The following SUSD6 variants were observed in gnomAD, a reference collection of about 807,000 sequenced individuals.
The protein encoded by SUSD6 is sushi domain containing 6.
In SUSD6, 16 loss-of-function variants were observed where a neutral mutation model predicts 28.4. The observed-to-expected ratio is 0.56, with a 90% CI of 0.38 to 0.86. The LOEUF is 0.86. Among genes scored for constraint, SUSD6 ranks in the 40% least tolerant of loss-of-function variants. SUSD6 has a pLI of 0.00. For missense variants in SUSD6, 341 were observed against 384.2 expected, an observed-to-expected ratio of 0.89 and a Z score of 0.94; for synonymous variants, 147 against 159.6, an observed-to-expected ratio of 0.92 and a Z score of 0.59.
chr14:69,659,484 T>C (rs1410162931), intron 2 of SUSD6, among the ~76,000 whole-genome samples: 3 of 152,206 alleles, frequency 2.0e-5, no homozygotes, highest in Admixed American at 6.5e-5. Context: ...TAGCAGGGGC[T>C]AGACATGCCC....
intron 2 of SUSD6, among the ~76,000 whole-genome samples, chr14:69,677,064 G>A (rs1443025116): frequency 3.9e-5 from 6 of 152,162 alleles, no homozygotes; most frequent in Non-Finnish European, 7.4e-5. Context: ...GATGAGAAGA[G>A]GACTAAGAGT....
chr14:69,646,700 C>CTTTTTTTTT (rs61409476), intron 1 of SUSD6, among the ~76,000 whole-genome samples: 4 of 109,220 alleles, frequency 3.7e-5, no homozygotes, highest in Non-Finnish European at 5.2e-5. Flanking sequence ...TTTTTTCCAT[C>CTTTTTTTTT]TTTTTTTTTT....
intron 1 of SUSD6, among the ~76,000 whole-genome samples, chr14:69,631,204 T>C (rs1434612011): frequency 1.3e-5 from 2 of 152,208 alleles, no homozygotes; most frequent in African/African-American, 2.4e-5. Context: ...TTCTGCTGCT[T>C]CTCAAGCCAA....
In SUSD6 at chr14:69,639,313, CAAAAAAAA is replaced by C. The variant is rs57837741; in HGVS notation, c.-80-19181_-80-19174del. Among the ~76,000 whole-genome samples the C allele has an allele frequency of 2.0e-4, 11 of 54,590 alleles. No homozygotes were observed. The East Asian group carries it at 5.5e-3, about 27-fold the overall frequency. 35.8% of individuals were successfully genotyped at this position (54,590 alleles called of 152,430 possible). A position where few individuals can be genotyped will look rare whatever the true frequency, so the allele number is the denominator to read the frequency against. ...TGGGCAACACAGCGAGACTCCGTCT[CAAAAAAAA>C]AAAAAAAAAAAAAAAAAAGAAATAA... is the stretch of plus-strand genomic sequence containing the variant. On this transcript the variant is annotated intron_variant, in intron 1 of 5. Coordinates refer to ENST00000342745, the MANE Select transcript of SUSD6 (RefSeq NM_014734.4).
At position 69,704,742 on chromosome 14, in the gene SUSD6, G is replaced by A; in HGVS notation, c.458G>A (p.Arg153Lys). Residue 153 changes from arginine (R) to lysine (K), a missense_variant and splice_region_variant, in exon 4 of 6, where the codon AGG becomes AAG. By Grantham distance (26) the Arg-to-Lys change is conservative. Transcript: ENST00000342745. The part of the protein sequence containing the change: ...QPKLKSFHHS[R>K]RDQGVSGDQV... ...AAGCTGAAGTCTTTCCATCATAGCAGGTGAGTCCAGTGGCAGAGCTGACAT... is the reference window on the plus strand; with the variant it reads ...AAGCTGAAGTCTTTCCATCATAGCAAGTGAGTCCAGTGGCAGAGCTGACAT... 6.2e-7 allele frequency: 1 copy of A among 1,613,658 alleles called. No homozygotes were observed. Among genetic ancestry groups the A allele is most frequent in the Non-Finnish European group, 8.5e-7 (1 of 1,179,834 alleles).
intron 2 of SUSD6, among the ~76,000 whole-genome samples, chr14:69,663,306 C>T (rs1041699830): frequency 6.6e-6 from 1 of 152,160 alleles, no homozygotes; most frequent in Admixed American, 6.5e-5. Context: ...CATGTTAGGC[C>T]GTGTTAAACA....
chr14:69,686,416 G>GT (rs1374174254), intron 2 of SUSD6, among the ~76,000 whole-genome samples: 3 of 152,342 alleles, frequency 2.0e-5, no homozygotes, highest in Non-Finnish European at 2.9e-5. Context: ...AGGTTCTGGT[G>GT]TAAGAGTCGT....
intron 1 of SUSD6, among the ~76,000 whole-genome samples, chr14:69,616,589 A>G (rs895163406): frequency 3.9e-5 from 6 of 152,210 alleles, no homozygotes; most frequent in Non-Finnish European, 7.3e-5. Context: ...GATTTTGCTT[A>G]ATTTGCATTT....
chr14:69,685,570 A>T lies in SUSD6; in HGVS notation c.122-17825A>T, dbSNP rs550649070. On this transcript the variant is annotated intron_variant, in intron 2 of 5. Coordinates refer to ENST00000342745, the MANE Select transcript of SUSD6 (RefSeq NM_014734.4). The stretch of plus-strand genomic sequence containing the variant: ...CAGTCCTGGTCTCTTAGTAAAATGC[A>T]GGTGTGTGTGTGTTGCTGAGTACCA... Among the ~76,000 whole-genome samples the T allele has an allele frequency of 5.7e-4, 87 of 152,258 alleles. 2 individuals carry two copies. The South Asian group carries it at 0.018, about 31-fold the overall frequency.
intron 2 of SUSD6, among the ~76,000 whole-genome samples, chr14:69,690,916 A>G (rs1260235488): frequency 6.6e-6 from 1 of 152,072 alleles, no homozygotes; most frequent in African/African-American, 2.4e-5. Flanking sequence ...CGCACCAAAA[A>G]ACCACACACC....
chr14:69,620,451 A>G (rs1025396087), intron 1 of SUSD6, among the ~76,000 whole-genome samples: 1 of 152,246 alleles, frequency 6.6e-6, no homozygotes, highest in Non-Finnish European at 1.5e-5. Flanking sequence ...CACTAGGTAT[A>G]CAGTTGTGAA....
chr14:69,706,156 TATTA>T (rs1207417905), intron 4 of SUSD6, among the ~76,000 whole-genome samples: 3 of 152,232 alleles, frequency 2.0e-5, no homozygotes, highest in African/African-American at 7.2e-5. Flanking sequence ...TTTTAAAGGC[TATTA>T]ATTAATAGGA....
At chr14:69,664,041 C>T (rs1472351723) in intron 2 of SUSD6, among the ~76,000 whole-genome samples, 3 of 151,312 alleles carry the variant, frequency 2.0e-5, no homozygotes, top group East Asian at 1.9e-4. Flanking sequence ...TACAGTGGCG[C>T]GATCTCGGCT....
chr14:69,654,703 AT>A (rs1485610670), intron 1 of SUSD6, among the ~76,000 whole-genome samples: 2 of 151,352 alleles, frequency 1.3e-5, no homozygotes, highest in Non-Finnish European at 2.9e-5. Flanking sequence ...GCAGTTAAAA[AT>A]TTTTTTTCTC....
intron 2 of SUSD6, among the ~76,000 whole-genome samples, chr14:69,676,513 G>A (rs1250293142): frequency 2.0e-5 from 3 of 152,030 alleles, no homozygotes; most frequent in Non-Finnish European, 2.9e-5. Context: ...CTGAGTAGCT[G>A]GGACTACAGG....
chr14:69,629,247 A>G (rs1595033321), intron 1 of SUSD6, among the ~76,000 whole-genome samples: 2 of 152,016 alleles, frequency 1.3e-5, no homozygotes, highest in South Asian at 2.1e-4. Flanking sequence ...AGGGGGTGTA[A>G]TGTTGGATGA....
chr14:69,710,488 G>A (rs925608807), intron 5 of SUSD6, among the ~76,000 whole-genome samples: 2 of 152,230 alleles, frequency 1.3e-5, no homozygotes, highest in Admixed American at 6.5e-5. Flanking sequence ...TGCAGGCCAT[G>A]CCTGAGCTGT....
intron 1 of SUSD6, among the ~76,000 whole-genome samples, chr14:69,616,529 A>T (rs1305915888): frequency 1.3e-5 from 2 of 152,226 alleles, no homozygotes; most frequent in Non-Finnish European, 1.5e-5. Flanking sequence ...AGCTCAGCAA[A>T]CTAAGTGGAC....
At position 69,658,516 on chromosome 14, in the gene SUSD6, A is replaced by T. The variant is rs1279227522; in HGVS notation, c.-77A>T. 1 of 1,494,418 alleles carries T rather than the reference A, an allele frequency of 6.7e-7. No homozygotes were observed. Among genetic ancestry groups the T allele is most frequent in the Non-Finnish European group, 9.2e-7 (1 of 1,086,058 alleles). 92.6% of individuals were successfully genotyped at this position (1,494,418 alleles called of 1,614,324 possible). On this transcript the variant is annotated 5_prime_UTR_variant, in exon 2 of 6. Transcript: ENST00000342745. ...TGTCCTTGTTTGTTTGTTACAGGTG[A>T]ATCAGCTCCCGGCCGACTTTAGGAT...
Sources: allele counts gnomAD v4.1 joint callset (sites outside exome capture counted in the v4.1 genomes callset), GRCh38; gene constraint gnomAD v4.1.1; transcripts MANE v1.5; gene names NCBI Gene and HGNC (gene_info 2026-07-23, HGNC 2026-07-21).